Variants in BICDL1 observed in about 807,000 individuals in gnomAD.
BICDL1 encodes the protein BICD family-like cargo adapter 1.
In BICDL1, 20 loss-of-function variants were observed where a neutral mutation model predicts 76.8. That is an observed-to-expected ratio of 0.26 (90% CI 0.18 to 0.38). The LOEUF (loss-of-function observed/expected upper bound fraction) is 0.38. Ranked by LOEUF, BICDL1 falls within the 10% of genes least tolerant of loss-of-function variation. The pLI is 1.00. For missense variants in BICDL1, 700 were observed against 798.6 expected (o/e 0.88, Z 1.49); for synonymous variants, 383 against 337.1 (o/e 1.14, Z -1.49).
At position 120,001,768 on chromosome 12, in the gene BICDL1, G is replaced by A. The variant is rs547191422; in HGVS notation, c.645+3032G>A. Among the ~76,000 whole-genome samples the A allele has an allele frequency of 9.9e-5, 15 of 152,210 alleles. No homozygotes were observed. The East Asian group carries it at 2.1e-3, about 22-fold the overall frequency. On this transcript the variant is annotated intron_variant, in intron 2 of 9. Coordinates refer to ENST00000548673, the MANE Select transcript of BICDL1 (RefSeq NM_001367886.1). ...TACCCTTTAAAAGGGTACAATTTGG[G>A]GCTTAGCACAGTGGCTCATGTCTGT...
At chr12:120,019,262 TAA>T (rs879627933) in intron 2 of BICDL1, 2 of 146,092 alleles carry the variant, frequency 1.4e-5, no homozygotes, top group Admixed American at 6.9e-5. Context: ...CTCTGTCTCT[TAA>T]AAAAAAAAAG....
intron 2 of BICDL1, chr12:120,056,896 C>G (rs1016194164): frequency 1.0e-4 from 33 of 327,116 alleles, no homozygotes; most frequent in African/African-American, 6.6e-4. Flanking sequence ...TCAGCAATGC[C>G]TCCTCCCAGC....
At position 120,094,008 on chromosome 12, in the gene BICDL1, C is replaced by A. The variant is rs892313047; in HGVS notation, c.*847C>A. ...ATACATACATAATTTCTTGGCCTAG[C>A]CAAACAAGTCCAGGCCACTGAATGG... is the stretch of plus-strand genomic sequence containing the variant. On this transcript the variant is annotated 3_prime_UTR_variant, in exon 10 of 10. Coordinates refer to ENST00000548673, the MANE Select transcript of BICDL1 (RefSeq NM_001367886.1). The A allele has an allele frequency of 4.8e-5, 17 of 353,066 alleles. No homozygotes were observed. The highest frequency in any genetic ancestry group is 8.5e-5 in the Non-Finnish European group (15 of 177,330). The allele number at this position is 353,066 out of a possible 1,614,324, so 21.9% of individuals were successfully genotyped here. A position where few individuals can be genotyped will look rare whatever the true frequency, so the allele number is the denominator to read the frequency against.
chr12:120,042,579 C>T lies in BICDL1; in HGVS notation c.646-19131C>T, dbSNP rs189136689. Among the ~76,000 whole-genome samples, 20 of 152,096 alleles carry T rather than the reference C, an allele frequency of 1.3e-4. No homozygotes were observed. In the East Asian group the frequency reaches 1.7e-3, roughly 13 times the overall value. On this transcript the variant is annotated intron_variant, in intron 2 of 9. Coordinates refer to ENST00000548673, the MANE Select transcript of BICDL1 (RefSeq NM_001367886.1). ...CAGGACTTTGGGAGGCCAAGGCAGG[C>T]GGGTCACCTGAGGTCAGGAGTTTGA...
At position 120,071,868 on chromosome 12, in the gene BICDL1, T is replaced by C. The variant is rs1873131660; in HGVS notation, c.1089+67T>C. On this transcript the variant is annotated intron_variant, in intron 5 of 9. Transcript: ENST00000548673. This position sits in a 1 kb window ranked among gnomAD's most constrained non-coding sequence, Gnocchi z 4.8. Reference sequence around the variant, plus strand: ...GTTGCTTAGGTCTCATCCTCCTCCCTAGTGCTCAGCTGCCATCCTGGCAAG... The same window carrying C: ...GTTGCTTAGGTCTCATCCTCCTCCCCAGTGCTCAGCTGCCATCCTGGCAAG... 6.9e-7 allele frequency: 1 copy of C among 1,457,628 alleles called. No individual in the cohort carries two copies. 90.3% of individuals were successfully genotyped at this position (1,457,628 alleles called of 1,614,324 possible). A position where few individuals can be genotyped will look rare whatever the true frequency, so the allele number is the denominator to read the frequency against.
intron 1 of BICDL1, among the ~76,000 whole-genome samples, chr12:119,992,057 ATAAC>A (rs1206710935): frequency 2.6e-5 from 4 of 152,272 alleles, no homozygotes; most frequent in Admixed American, 6.5e-5. Flanking sequence ...CAATGTGAAT[ATAAC>A]TAACATATAC....
intron 2 of BICDL1, among the ~76,000 whole-genome samples, chr12:120,021,700 T>A (rs1468730670): frequency 6.7e-6 from 1 of 150,118 alleles, no homozygotes; most frequent in Non-Finnish European, 1.5e-5. Context: ...AGGTCTCCAG[T>A]TGGAGATCAA....
rs1031666423 is a variant in BICDL1, at chr12:120,080,595, A to G, written c.1453-292A>G. On this transcript the variant is annotated intron_variant, in intron 7 of 9. Transcript: ENST00000548673. ...TACCTGGAGTGCCTGGAGATGGAGGAGGTAGTATGCCGTGCTGAGTGCAAA... is the reference window on the plus strand; with the variant it reads ...TACCTGGAGTGCCTGGAGATGGAGGGGGTAGTATGCCGTGCTGAGTGCAAA... 12 of 252,442 alleles carry G rather than the reference A, an allele frequency of 4.8e-5. No homozygotes were observed. The South Asian group carries it at 6.1e-4, about 13-fold the overall frequency. 15.6% of individuals were successfully genotyped at this position (252,442 alleles called of 1,614,324 possible). A position where few individuals can be genotyped will look rare whatever the true frequency, so the allele number is the denominator to read the frequency against.
In BICDL1 at chr12:119,989,267, G is replaced by C. The variant is rs1375040045; in HGVS notation, c.-602G>C. On this transcript the variant is annotated 5_prime_UTR_variant, in exon 1 of 10. Coordinates refer to ENST00000548673, the MANE Select transcript of BICDL1 (RefSeq NM_001367886.1). ...GAGCTCGCCGGGTTGCGCGGCGCGC[G>C]ATGTGGAGCCGCCGCCTCGGCCCCT... 2.0e-5 allele frequency among the ~76,000 whole-genome samples: 3 copies of C among 150,000 alleles called. No individual in the cohort carries two copies. The highest frequency in any genetic ancestry group is 2.0e-4 in the Admixed American group (3 of 15,128).
At chr12:120,016,045 C>T (rs190963379) in intron 2 of BICDL1, among the ~76,000 whole-genome samples, 50 of 152,302 alleles carry the variant, frequency 3.3e-4, no homozygotes, top group South Asian at 1.7e-3. Context: ...TATCGTTCTG[C>T]ATTCAGTCTT....
At chr12:120,054,601 G>A (rs554196172) in intron 2 of BICDL1, among the ~76,000 whole-genome samples, 3 of 152,252 alleles carry the variant, frequency 2.0e-5, no homozygotes, top group East Asian at 1.9e-4. Flanking sequence ...ATAATAGGCT[G>A]GGTGTGGTGG....
In BICDL1 at chr12:120,072,425, G is replaced by A. The variant is rs1873178315; in HGVS notation, c.1090-86G>A. 5.6e-6 allele frequency: 7 copies of A among 1,249,872 alleles called. No individual in the cohort carries two copies. In the South Asian group the frequency reaches 6.2e-5, roughly 11 times the overall value. The allele number at this position is 1,249,872 out of a possible 1,614,324, so 77.4% of individuals were successfully genotyped here. A position where few individuals can be genotyped will look rare whatever the true frequency, so the allele number is the denominator to read the frequency against. ...TCTAGAACTGGTGTCTTGGGTATCA[G>A]TATTTTGGGTTCAGAGCTAGAAAAA... On this transcript the variant is annotated intron_variant, in intron 5 of 9. Transcript: ENST00000548673.
intron 4 of BICDL1, among the ~76,000 whole-genome samples, chr12:120,069,377 G>A (rs1341490078): frequency 6.6e-6 from 1 of 152,196 alleles, no homozygotes; most frequent in African/African-American, 2.4e-5. Context: ...AACTGAAGCT[G>A]TGGGACTTCC....
intron 2 of BICDL1, among the ~76,000 whole-genome samples, chr12:120,036,809 G>A (rs532042030): frequency 1.4e-4 from 22 of 152,366 alleles, no homozygotes; most frequent in Non-Finnish European, 3.1e-4. Flanking sequence ...CCGGAAGGCG[G>A]AGGTTGCAGT....
chr12:120,064,360 G>A lies in BICDL1; in HGVS notation c.763-373G>A, dbSNP rs566250418. On this transcript the variant is annotated intron_variant, in intron 3 of 9. Coordinates refer to ENST00000548673, the MANE Select transcript of BICDL1 (RefSeq NM_001367886.1). ...TGACTTGAGGAGGAGAAGTAGTGCAGCAGGTTAGGTTCCACTCCTCCTGCC... is the reference window on the plus strand; with the variant it reads ...TGACTTGAGGAGGAGAAGTAGTGCAACAGGTTAGGTTCCACTCCTCCTGCC... Among the ~76,000 whole-genome samples the A allele has an allele frequency of 4.0e-4, 61 of 152,290 alleles. 2 individuals carry two copies. In the South Asian group the frequency reaches 0.012, roughly 31 times the overall value.
chr12:120,089,456 G>A (rs1874769117), intron 8 of BICDL1, among the ~76,000 whole-genome samples: 1 of 152,080 alleles, frequency 6.6e-6, no homozygotes, highest in Non-Finnish European at 1.5e-5. Context: ...TGCAATCTCG[G>A]CTCACTGCAA....
rs1012936065 is a variant in BICDL1, at chr12:120,092,661, C to T, written c.1705-339C>T. 5.1e-6 allele frequency: 5 copies of T among 985,320 alleles called. No homozygotes were observed. The African/African-American group carries it at 8.7e-5, about 17-fold the overall frequency. The allele number at this position is 985,320 out of a possible 1,614,324, so 61.0% of individuals were successfully genotyped here. ...GGCCCACAGGACACAGGAGGCAGAG[C>T]CGTGAGGCCTGGTCAGAGCAGGTGG... On this transcript the variant is annotated intron_variant, in intron 9 of 9. Coordinates refer to ENST00000548673, the MANE Select transcript of BICDL1 (RefSeq NM_001367886.1).
intron 2 of BICDL1, among the ~76,000 whole-genome samples, chr12:120,008,368 G>C (rs143499018): frequency 1.3e-5 from 2 of 151,830 alleles, no homozygotes; most frequent in Non-Finnish European, 2.9e-5. Flanking sequence ...CGTGCTGCCC[G>C]GGCTGGTCTT....
intron 2 of BICDL1, among the ~76,000 whole-genome samples, chr12:120,035,828 A>C (rs1294203844): frequency 6.6e-6 from 1 of 152,246 alleles, no homozygotes; most frequent in Non-Finnish European, 1.5e-5. Context: ...CCCAAGAGGA[A>C]CCACTAACCT....
Sources: allele counts gnomAD v4.1 joint callset (sites outside exome capture counted in the v4.1 genomes callset), GRCh38; gene constraint gnomAD v4.1.1; non-coding constraint Gnocchi (gnomAD v3.1); transcripts MANE v1.5; gene names NCBI Gene and HGNC (gene_info 2026-07-23, HGNC 2026-07-21).